The following SERTAD2 variants were observed in gnomAD, a reference collection of about 807,000 sequenced individuals.
The protein encoded by SERTAD2 is SERTA domain containing 2, also known as SERTA domain-containing protein 2.
SERTAD2 carries 2 observed loss-of-function variants against 15.4 expected under a neutral mutation model. The observed-to-expected ratio is 0.13, with a 90% confidence interval of 0.05 to 0.41. The LOEUF is 0.41. Among genes scored for constraint, SERTAD2 ranks in the 10% least tolerant of loss-of-function variants. The pLI is 0.99. For missense variants in SERTAD2, 333 were observed against 409.7 expected, an observed-to-expected ratio of 0.81 and a Z score of 1.62; for synonymous variants, 180 against 178.0, an observed-to-expected ratio of 1.01 and a Z score of -0.09.
chr2:64,638,834 T>C (rs1319026373), intron 1 of SERTAD2, among the ~76,000 whole-genome samples: 1 of 152,256 alleles, frequency 6.6e-6, no homozygotes, highest in African/African-American at 2.4e-5. Context: ...GTGCTAAAAT[T>C]CTCATCTGTG....
chr2:64,644,128 C>A (rs1674844040), intron 1 of SERTAD2, among the ~76,000 whole-genome samples: 1 of 152,206 alleles, frequency 6.6e-6, no homozygotes, highest in Non-Finnish European at 1.5e-5. Flanking sequence ...AGCGGTCCTT[C>A]CCTTCCCCTG....
At chr2:64,636,999 T>G in intron 1 of SERTAD2, 124 bp from the exon 2 acceptor site, 1 of 644,994 alleles carries the variant, frequency 1.6e-6, no homozygotes, top group South Asian at 2.2e-5. Context: ...TATTTACAAG[T>G]ACACGTGGAT....
Position 64,634,085 on chromosome 2 carries a change from A to G in SERTAD2, c.*1842T>C, listed in dbSNP as rs1009935492. The G allele has an allele frequency of 6.6e-6, 1 of 152,554 alleles. No homozygotes were observed. The highest frequency in any genetic ancestry group is 2.4e-5 in the African/African-American group (1 of 41,440). 9.5% of individuals were successfully genotyped at this position (152,554 alleles called of 1,614,324 possible). On this transcript the variant is annotated 3_prime_UTR_variant, in exon 2 of 2. Transcript: ENST00000313349. ...AGAAGTGAGCAGAATTGGTGACTGAATATTGACAAATGACCAACAACAAAG... is the reference window on the plus strand; with the variant it reads ...AGAAGTGAGCAGAATTGGTGACTGAGTATTGACAAATGACCAACAACAAAG...
chr2:64,645,322 G>A (rs1182461644), intron 1 of SERTAD2, among the ~76,000 whole-genome samples: 1 of 152,042 alleles, frequency 6.6e-6, no homozygotes, highest in East Asian at 1.9e-4. Context: ...TGCAAGATGA[G>A]ACCCTGCATT....
chr2:64,648,845 A>T (rs1200074669), intron 1 of SERTAD2, among the ~76,000 whole-genome samples: 2 of 152,080 alleles, frequency 1.3e-5, no homozygotes, highest in Admixed American at 6.6e-5. Flanking sequence ...AAAACTATTT[A>T]AAAAAATTAG....
At chr2:64,642,663 T>C (rs1320229246) in intron 1 of SERTAD2, among the ~76,000 whole-genome samples, 1 of 152,206 alleles carries the variant, frequency 6.6e-6, no homozygotes, top group Non-Finnish European at 1.5e-5. Context: ...ACCTGCAGGC[T>C]CACCCCAGCC....
intron 1 of SERTAD2, chr2:64,644,996 T>C (rs1481138599): frequency 6.7e-6 from 1 of 148,692 alleles, no homozygotes; most frequent in Admixed American, 6.7e-5. Flanking sequence ...CAAGGCGGAG[T>C]ATTAGTAACA....
chr2:64,649,343 A>C (rs1674966377), intron 1 of SERTAD2, among the ~76,000 whole-genome samples: 1 of 152,220 alleles, frequency 6.6e-6, no homozygotes, highest in Non-Finnish European at 1.5e-5. Context: ...GCTGATCTGG[A>C]GCAAGAGACT....
chr2:64,652,157 G>C (rs1675025778), intron 1 of SERTAD2, among the ~76,000 whole-genome samples: 1 of 151,988 alleles, frequency 6.6e-6, no homozygotes, highest in African/African-American at 2.4e-5. Flanking sequence ...AAACAGAAAA[G>C]CAGAGATCCA....
In SERTAD2 at chr2:64,635,734, G is replaced by A. The variant is rs566452569; in HGVS notation, c.*193C>T. 1.8e-6 allele frequency: 1 copy of A among 553,916 alleles called. No homozygotes were observed. The highest frequency in any genetic ancestry group is 2.9e-5 in the East Asian group (1 of 34,986). The allele number at this position is 553,916 out of a possible 1,614,324, so 34.3% of individuals were successfully genotyped here. On this transcript the variant is annotated 3_prime_UTR_variant, in exon 2 of 2. Transcript: ENST00000313349. Reference sequence around the variant, plus strand: ...GGTCTCTGAGGAACCACTCAAAAAAGTGTATTAAAAGTGGTCATACTTGGA... The same window carrying A: ...GGTCTCTGAGGAACCACTCAAAAAAATGTATTAAAAGTGGTCATACTTGGA...
chr2:64,643,322 A>G (rs1296710808), intron 1 of SERTAD2, among the ~76,000 whole-genome samples: 1 of 152,218 alleles, frequency 6.6e-6, no homozygotes, highest in East Asian at 1.9e-4. Flanking sequence ...TTTAAAAGTC[A>G]GGTAACAAGG....
Position 64,636,170 on chromosome 2 carries a change from G to T in SERTAD2, c.702C>A (p.Ser234=). Residue 234 remains serine (S), a synonymous_variant, in exon 2 of 2, where the codon TCC becomes TCA. Transcript: ENST00000313349. ...GGGTCAAGTCTGTCAGGAAACCCGT[G>T]GACGTCGTTATTTCAAAATTCCCAG... The part of the protein sequence containing the change: ...SLPGNFEITT[S]TGFLTDLTLD... 11 of 1,614,194 alleles carry T rather than the reference G, an allele frequency of 6.8e-6. No homozygotes were observed. Among genetic ancestry groups the T allele is most frequent in the Non-Finnish European group, 9.3e-6 (11 of 1,180,040 alleles).
At chr2:64,645,121 C>A (rs1024381470) in intron 1 of SERTAD2, among the ~76,000 whole-genome samples, 1 of 151,736 alleles carries the variant, frequency 6.6e-6, no homozygotes, top group East Asian at 1.9e-4. Context: ...GTAAGTAAGA[C>A]AAAGCCTCCC....
intron 1 of SERTAD2, chr2:64,646,292 AAAGTT>A (rs1188786945): frequency 6.6e-6 from 1 of 151,354 alleles, no homozygotes; most frequent in Non-Finnish European, 1.5e-5. Context: ...TCCATAATAA[AAAGTT>A]AAAAACCACA....
intron 1 of SERTAD2, among the ~76,000 whole-genome samples, chr2:64,642,895 T>G (rs1674806172): frequency 6.6e-6 from 1 of 151,330 alleles, no homozygotes; most frequent in African/African-American, 2.4e-5. Flanking sequence ...TGATTGTCAT[T>G]AGCCCGGGCG....
At chr2:64,647,833 C>G (rs1476010289) in intron 1 of SERTAD2, among the ~76,000 whole-genome samples, 1 of 152,114 alleles carries the variant, frequency 6.6e-6, no homozygotes, top group Non-Finnish European at 1.5e-5. Context: ...CTGAATAAAA[C>G]TAAGGAATAA....
At position 64,631,623 on chromosome 2, in the gene SERTAD2, A is replaced by G. The variant is rs1263200259; in HGVS notation, c.*4304T>C. On this transcript the variant is annotated 3_prime_UTR_variant, in exon 2 of 2. Transcript: ENST00000313349. ...AGAAAACTGCAAGCATGCCTCTCTC[A>G]TCTTTTAACTGTTTATTGTATAATA... The G allele has an allele frequency of 1.3e-5, 2 of 152,670 alleles. No homozygotes were observed. Among genetic ancestry groups the G allele is most frequent in the Admixed American group, 1.3e-4 (2 of 15,272 alleles). 9.5% of individuals were successfully genotyped at this position (152,670 alleles called of 1,614,324 possible).
In SERTAD2 at chr2:64,635,165, G is replaced by C. The variant is rs1674629818; in HGVS notation, c.*762C>G. The stretch of plus-strand genomic sequence containing the variant: ...GTGTGTGCCTGTGTTTGCATTTGGG[G>C]ACATCAACTGCAGATTGATTTGATC... On this transcript the variant is annotated 3_prime_UTR_variant, in exon 2 of 2. Coordinates refer to ENST00000313349, the MANE Select transcript of SERTAD2 (RefSeq NM_014755.3). 1 of 152,608 alleles carries C rather than the reference G, an allele frequency of 6.6e-6. No homozygotes were observed. The highest frequency in any genetic ancestry group is 2.1e-4 in the South Asian group (1 of 4,834). The allele number at this position is 152,608 out of a possible 1,614,324, so 9.5% of individuals were successfully genotyped here.
At position 64,653,655 on chromosome 2, in the gene SERTAD2, A is replaced by C. The variant is rs1423359106; in HGVS notation, c.-40T>G. The C allele has an allele frequency of 6.6e-6, 1 of 152,134 alleles. No individual in the cohort carries two copies. Among genetic ancestry groups the C allele is most frequent in the Non-Finnish European group, 1.5e-5 (1 of 68,084 alleles). 9.4% of individuals were successfully genotyped at this position (152,134 alleles called of 1,614,324 possible). On this transcript the variant is annotated 5_prime_UTR_variant, in exon 1 of 2. Transcript: ENST00000313349. ...TCCACCTGGGAACTAACGCATCAGG[A>C]GGGGTTTCCGCCCACTCCTCAGCTA...
Sources: gnomAD v4.1 joint callset for allele counts (sites outside exome capture counted in the v4.1 genomes callset) on GRCh38, gnomAD v4.1.1 for gene constraint, MANE v1.5 for transcripts, NCBI Gene and HGNC (gene_info 2026-07-23, HGNC 2026-07-21) for gene names.